The following SLC35F4 variants were observed in gnomAD, a reference collection of about 807,000 sequenced individuals.
SLC35F4 encodes the protein solute carrier family 35 member F4.
SLC35F4 carries 24 observed loss-of-function variants against 44.2 expected under a neutral mutation model. The observed-to-expected ratio is 0.54, with a 90% CI of 0.39 to 0.76. The LOEUF (loss-of-function observed/expected upper bound fraction) is 0.76. SLC35F4 is among the 30% of genes least tolerant of loss of function. The pLI is 0.00. For missense variants in SLC35F4, 562 were observed against 586.1 expected (o/e 0.96, Z 0.42); for synonymous variants, 238 against 223.6 (o/e 1.06, Z -0.57).
At chr14:57,823,346 G>A (rs10142122) in intron 1 of SLC35F4, among the ~76,000 whole-genome samples, 70,990 of 151,990 alleles carry the variant, frequency 0.47, 19,247 homozygotes, top group African/African-American at 0.75. Flanking sequence ...CACCTACCCT[G>A]TCCTCATAGA....
intron 1 of SLC35F4, among the ~76,000 whole-genome samples, chr14:57,610,109 A>G (rs1376438393): frequency 1.3e-5 from 2 of 152,202 alleles, no homozygotes; most frequent in Non-Finnish European, 2.9e-5. Flanking sequence ...TTCATTCATA[A>G]GGATTTATTG....
At chr14:57,701,357 G>C (rs2075534703) in intron 1 of SLC35F4, among the ~76,000 whole-genome samples, 1 of 151,914 alleles carries the variant, frequency 6.6e-6, no homozygotes, top group Non-Finnish European at 1.5e-5. Flanking sequence ...CCTGCCTGAG[G>C]GTGTTTTACA....
At chr14:57,958,294 G>A (rs1209448384) in intron 1 of SLC35F4, among the ~76,000 whole-genome samples, 12 of 152,208 alleles carry the variant, frequency 7.9e-5, no homozygotes, top group Non-Finnish European at 4.4e-5. Flanking sequence ...TCCTGACCTC[G>A]TGATCTGCCC....
intron 1 of SLC35F4, among the ~76,000 whole-genome samples, chr14:57,632,778 G>A (rs1467761255): frequency 1.3e-5 from 2 of 151,854 alleles, no homozygotes; most frequent in Admixed American, 1.3e-4. Context: ...TCACTGCAAC[G>A]TCCAACTATG....
At chr14:57,759,526 G>C (rs958001278) in intron 1 of SLC35F4, among the ~76,000 whole-genome samples, 5 of 152,092 alleles carry the variant, frequency 3.3e-5, no homozygotes, top group Non-Finnish European at 7.4e-5. Flanking sequence ...GCTGCCATGA[G>C]CTATGTTTGT....
At chr14:57,839,788 A>G (rs920943374) in intron 1 of SLC35F4, among the ~76,000 whole-genome samples, 1 of 152,202 alleles carries the variant, frequency 6.6e-6, no homozygotes, top group East Asian at 1.9e-4. Context: ...GTACATGCTC[A>G]GGACACAGCT....
intron 3 of SLC35F4, among the ~76,000 whole-genome samples, chr14:57,582,825 T>G (rs1756772663): frequency 6.6e-6 from 1 of 152,154 alleles, no homozygotes; most frequent in South Asian, 2.1e-4. Flanking sequence ...CTAGCCAATG[T>G]TTGCCTCACA....
chr14:57,904,449 C>T (rs1449405706), intron 1 of SLC35F4, among the ~76,000 whole-genome samples: 1 of 152,172 alleles, frequency 6.6e-6, no homozygotes, highest in Non-Finnish European at 1.5e-5. Context: ...ATGTTCCACT[C>T]CAAGATTGGG....
In SLC35F4 at chr14:57,959,464, G is replaced by T. The variant is rs568257376; in HGVS notation, n.282+22449C>A. Among the ~76,000 whole-genome samples the T allele has an allele frequency of 5.3e-5, 8 of 152,210 alleles. No homozygotes were observed. The East Asian group carries it at 1.5e-3, about 29-fold the overall frequency. On this transcript the variant is annotated intron_variant and non_coding_transcript_variant, in intron 1 of 1. Coordinates refer to the SLC35F4 transcript ENST00000556568. ...CCTGAGGAAGATGGATTTAGCCCCG[G>T]GTTACAGAAAAGGAAATTGAGGTTC...
chr14:57,975,830 A>G (rs1310936294), downstream of SLC35F4, among the ~76,000 whole-genome samples: 2 of 152,164 alleles, frequency 1.3e-5, no homozygotes, highest in Non-Finnish European at 2.9e-5. Context: ...GTGTAGAACT[A>G]AAAGGATTCT....
chr14:57,880,099 A>T (rs1328776725), intron 1 of SLC35F4, among the ~76,000 whole-genome samples: 2 of 121,148 alleles, frequency 1.7e-5, no homozygotes, highest in Non-Finnish European at 3.6e-5. Context: ...GAAGGAAGGA[A>T]GGAAGGAAGG....
At chr14:57,968,354 C>T (rs1156566446) in intron 1 of SLC35F4, among the ~76,000 whole-genome samples, 5 of 152,208 alleles carry the variant, frequency 3.3e-5, no homozygotes, top group Non-Finnish European at 7.3e-5. Flanking sequence ...CTAGAGCTAA[C>T]GCCCATTACA....
intron 1 of SLC35F4, among the ~76,000 whole-genome samples, chr14:57,809,034 A>G (rs974112495): frequency 3.3e-5 from 5 of 152,048 alleles, no homozygotes; most frequent in African/African-American, 9.7e-5. Flanking sequence ...ACATTCTTCA[A>G]TGTCTTTTTG....
At chr14:57,959,372 G>A (rs1890301045) in intron 1 of SLC35F4, among the ~76,000 whole-genome samples, 1 of 152,046 alleles carries the variant, frequency 6.6e-6, no homozygotes, top group Non-Finnish European at 1.5e-5. Context: ...AATTATAAAG[G>A]CAGTACATGT....
intron 1 of SLC35F4, among the ~76,000 whole-genome samples, chr14:57,751,085 C>A (rs2076873733): frequency 6.6e-6 from 1 of 152,112 alleles, no homozygotes; most frequent in Non-Finnish European, 1.5e-5. Context: ...AAACATGGGG[C>A]AGGGACTTTA....
chr14:57,582,362 G>C (rs780026634), intron 3 of SLC35F4, among the ~76,000 whole-genome samples: 40 of 152,074 alleles, frequency 2.6e-4, no homozygotes, highest in Non-Finnish European at 3.8e-4. Flanking sequence ...TGCCAGGCTA[G>C]TTTTTGAAAT....
intron 1 of SLC35F4, among the ~76,000 whole-genome samples, chr14:57,915,448 A>G (rs1312398502): frequency 6.6e-6 from 1 of 152,132 alleles, no homozygotes; most frequent in Non-Finnish European, 1.5e-5. Flanking sequence ...AATTTCCCAA[A>G]TATTTCCATT....
intron 1 of SLC35F4, among the ~76,000 whole-genome samples, chr14:57,803,170 G>C (rs945311315): frequency 6.6e-6 from 1 of 151,994 alleles, no homozygotes; most frequent in East Asian, 1.9e-4. Flanking sequence ...CAATAAATGT[G>C]ATTCATCATA....
chr14:57,602,433 A>T (rs1020000784), intron 1 of SLC35F4: 24 of 152,136 alleles, frequency 1.6e-4, no homozygotes. Flanking sequence ...AACTATTTGG[A>T]AGTTGTTAAT....
Sources: allele counts gnomAD v4.1 joint callset (sites outside exome capture counted in the v4.1 genomes callset), GRCh38; gene constraint gnomAD v4.1.1; transcripts MANE v1.5; gene names NCBI Gene and HGNC (gene_info 2026-07-23, HGNC 2026-07-21).